GALNT10: variants seen among roughly 807,000 people sequenced by gnomAD.
GALNT10 encodes the protein GalNAc transferase 10.
In GALNT10, 41 loss-of-function variants were observed where a neutral mutation model predicts 75.0. The ratio of observed to expected loss-of-function variants is 0.55; its 90% confidence interval spans 0.43 to 0.71. GALNT10 has a LOEUF of 0.71. Ranked by LOEUF, GALNT10 falls within the 30% of genes least tolerant of loss-of-function variation. The probability of loss-of-function intolerance (pLI) is 0.00; values close to 1 mark genes in which losing one functional copy is unlikely to be tolerated. For synonymous variants in GALNT10, 302 were observed against 313.0 expected (o/e 0.96, Z 0.37); for missense variants, 727 against 818.5 (o/e 0.89, Z 1.36).
At chr5:154,283,668 C>T (rs1046546391) in intron 1 of GALNT10, among the ~76,000 whole-genome samples, 17 of 152,136 alleles carry the variant, frequency 1.1e-4, no homozygotes, top group African/African-American at 3.9e-4. Flanking sequence ...GACTTTCCTC[C>T]TGGGCCAGGA....
chr5:154,236,070 GT>G (rs1452523207), intron 1 of GALNT10, among the ~76,000 whole-genome samples: 4 of 152,114 alleles, frequency 2.6e-5, no homozygotes, highest in African/African-American at 9.7e-5. Flanking sequence ...AGCCCTTGAT[GT>G]GCCCCATCTT....
At chr5:154,195,394 G>T (rs902014996) in intron 1 of GALNT10, among the ~76,000 whole-genome samples, 4 of 152,224 alleles carry the variant, frequency 2.6e-5, no homozygotes, top group African/African-American at 7.2e-5. Flanking sequence ...CTCCTCATGC[G>T]CAGTGGAGTG....
intron 4 of GALNT10, among the ~76,000 whole-genome samples, chr5:154,375,405 GAGACTTTT>G (rs1280864779): frequency 6.6e-6 from 1 of 152,208 alleles, no homozygotes; most frequent in Non-Finnish European, 1.5e-5. Context: ...CATTGAGGCT[GAGACTTTT>G]AGGAGAAAGA....
chr5:154,249,723 A>G (rs1400698704), intron 1 of GALNT10, among the ~76,000 whole-genome samples: 1 of 152,170 alleles, frequency 6.6e-6, no homozygotes, highest in East Asian at 1.9e-4. Context: ...ACAGGAGTCT[A>G]CCAGTTTGAG....
intron 4 of GALNT10, among the ~76,000 whole-genome samples, chr5:154,357,364 G>GTA (rs899222110): frequency 6.6e-6 from 1 of 152,126 alleles, no homozygotes; most frequent in East Asian, 1.9e-4. Flanking sequence ...ATGCTTGGAA[G>GTA]TATATATATA....
At chr5:154,287,808 C>T (rs562717130) in intron 1 of GALNT10, among the ~76,000 whole-genome samples, 8 of 152,044 alleles carry the variant, frequency 5.3e-5, no homozygotes, top group African/African-American at 1.9e-4. Context: ...GTCCAAACTC[C>T]CTTGTTTAAA....
chr5:154,190,888 C>T lies in GALNT10; in HGVS notation c.22C>T (p.Leu8Phe), dbSNP rs1218339723. MRRKEKR[L>F]LQAVALVLAA... ...CCCGATGAGGCGGAAGGAGAAGCGG[C>T]TCCTGCAGGCGGTGGCGCTGGTGCT... The change falls in exon 1 of 12, where the codon CTC becomes TTC. Residue 8 changes from leucine to phenylalanine, a missense_variant. By Grantham distance (22) the Leu-to-Phe change is conservative. Coordinates refer to ENST00000297107, the MANE Select transcript of GALNT10 (RefSeq NM_198321.4). 4 of 1,444,598 alleles carry T rather than the reference C, an allele frequency of 2.8e-6. No individual in the cohort carries two copies. The highest frequency in any genetic ancestry group is 2.7e-5 in the South Asian group (2 of 74,458). The allele number at this position is 1,444,598 out of a possible 1,614,324, so 89.5% of individuals were successfully genotyped here. A position where few individuals can be genotyped will look rare whatever the true frequency, so the allele number is the denominator to read the frequency against.
At chr5:154,223,113 C>G (rs1214458240) in intron 1 of GALNT10, among the ~76,000 whole-genome samples, 2 of 152,146 alleles carry the variant, frequency 1.3e-5, no homozygotes, top group Admixed American at 6.5e-5. Flanking sequence ...GGGCACCGTA[C>G]TAGGTGCTAG....
At chr5:154,407,243 A>C (rs11745714) in intron 8 of GALNT10, among the ~76,000 whole-genome samples, 12,087 of 152,120 alleles carry the variant, frequency 0.079, 510 homozygotes, top group Non-Finnish European at 0.093. Context: ...GGAAGTAGGA[A>C]GGTGTTGAGA....
intron 8 of GALNT10, among the ~76,000 whole-genome samples, chr5:154,405,457 G>C (rs965567102): frequency 6.6e-6 from 1 of 152,100 alleles, no homozygotes; most frequent in East Asian, 1.9e-4. Flanking sequence ...GACACGGGCG[G>C]GGGGTAGGTT....
intron 1 of GALNT10, among the ~76,000 whole-genome samples, chr5:154,278,350 G>A: frequency 6.6e-6 from 1 of 152,322 alleles, no homozygotes; most frequent in South Asian, 2.1e-4. Context: ...GTGGTTGTTG[G>A]AGTTGGGGAC....
At chr5:154,366,693 A>G (rs1755479286) in intron 4 of GALNT10, among the ~76,000 whole-genome samples, 1 of 152,204 alleles carries the variant, frequency 6.6e-6, no homozygotes, top group Non-Finnish European at 1.5e-5. Context: ...CTTTGGGAGA[A>G]GGAAATTGGC....
At position 154,420,423 on chromosome 5, in the gene GALNT10, A is replaced by G. The variant is rs1756605365; in HGVS notation, c.*3451A>G. 1 of 152,196 alleles carries G rather than the reference A, an allele frequency of 6.6e-6. No individual in the cohort carries two copies. The highest frequency in any genetic ancestry group is 1.5e-5 in the Non-Finnish European group (1 of 68,048). The allele number at this position is 152,196 out of a possible 1,614,324, so 9.4% of individuals were successfully genotyped here. On this transcript the variant is annotated 3_prime_UTR_variant, in exon 12 of 12. Coordinates refer to ENST00000297107, the MANE Select transcript of GALNT10 (RefSeq NM_198321.4). ...CTCAAAAAGAGTGGCAAAGCACTTT[A>G]CAGTAGTAACTGAGGAATCAGAGTC...
chr5:154,388,885 T>TAAAAAA (rs11379762), intron 7 of GALNT10: 1 of 104,354 alleles, frequency 9.6e-6, no homozygotes, highest in African/African-American at 3.7e-5. Flanking sequence ...CCCATCTCAT[T>TAAAAAA]AAAAAAAAAA....
At chr5:154,331,090 A>G (rs1754856900) in intron 4 of GALNT10, among the ~76,000 whole-genome samples, 1 of 152,080 alleles carries the variant, frequency 6.6e-6, no homozygotes, top group African/African-American at 2.4e-5. Context: ...TATTTGTGTG[A>G]ACATTGGTGT....
chr5:154,236,237 A>G (rs1025090132), intron 1 of GALNT10, among the ~76,000 whole-genome samples: 2 of 152,206 alleles, frequency 1.3e-5, no homozygotes, highest in African/African-American at 4.8e-5. Flanking sequence ...TCTCATGTGC[A>G]AAATAAGGAC....
At chr5:154,191,935 G>C (rs1456927645) in intron 1 of GALNT10, among the ~76,000 whole-genome samples, 1 of 152,252 alleles carries the variant, frequency 6.6e-6, no homozygotes, top group Non-Finnish European at 1.5e-5. Flanking sequence ...GTGCGTGCAC[G>C]CATTTAGACT....
At chr5:154,386,621 G>A (rs1036549608) in intron 7 of GALNT10, 191 bp downstream of exon 7, 1 of 387,274 alleles carries the variant, frequency 2.6e-6, no homozygotes, top group Non-Finnish European at 5.0e-6. Flanking sequence ...GTGTGGGAGG[G>A]AAGGGGAGTA....
chr5:154,398,875 G>A lies in GALNT10; in HGVS notation c.1057-5229G>A, dbSNP rs764494079. Among the ~76,000 whole-genome samples the A allele has an allele frequency of 1.9e-3, 282 of 152,308 alleles. 3 individuals are homozygous for A. Among genetic ancestry groups the A allele is most frequent in the Non-Finnish European group, 2.3e-3 (155 of 68,022 alleles). On this transcript the variant is annotated intron_variant, in intron 7 of 11. Coordinates refer to ENST00000297107, the MANE Select transcript of GALNT10 (RefSeq NM_198321.4). ...TTCAGTCTCTCCATTTGGGAAATCAGGCCATAGGGTGAAAAAACTTGATGT... is the reference window on the plus strand; with the variant it reads ...TTCAGTCTCTCCATTTGGGAAATCAAGCCATAGGGTGAAAAAACTTGATGT...
Sources: allele counts gnomAD v4.1 joint callset (sites outside exome capture counted in the v4.1 genomes callset), GRCh38; gene constraint gnomAD v4.1.1; transcripts MANE v1.5; gene names NCBI Gene and HGNC (gene_info 2026-07-23, HGNC 2026-07-21).